The following ZFHX4 variants were observed in gnomAD, a reference collection of about 807,000 sequenced individuals.
ZFHX4 encodes zinc finger homeobox 4.
ZFHX4 carries 56 observed loss-of-function variants against 267.6 expected under a neutral mutation model. The ratio of observed to expected loss-of-function variants is 0.21; its 90% CI spans 0.17 to 0.26. The LOEUF (loss-of-function observed/expected upper bound fraction) is 0.26, where lower values mean the gene tolerates loss of function less well. ZFHX4 is among the 10% of genes least tolerant of loss of function. The pLI is 1.00. For synonymous variants in ZFHX4, 1,778 were observed against 1,665.6 expected (o/e 1.07, Z -1.64); for missense variants, 4,332 against 4,420.0 (o/e 0.98, Z 0.56).
chr8:76,800,994 G>A (rs149280655), intron 4 of ZFHX4, among the ~76,000 whole-genome samples: 1 of 152,230 alleles, frequency 6.6e-6, no homozygotes, highest in East Asian at 1.9e-4. Context: ...ACCAGCAATT[G>A]TCATTTTAGA....
At chr8:76,749,487 G>T (rs1809559918) in intron 3 of ZFHX4, among the ~76,000 whole-genome samples, 1 of 152,050 alleles carries the variant, frequency 6.6e-6, no homozygotes, top group African/African-American at 2.4e-5. Flanking sequence ...AGAACTTTAG[G>T]TAGTATTTGG....
Position 76,854,629 on chromosome 8 carries a change from G to C in ZFHX4, c.7708G>C (p.Ala2570Pro). 1 of 1,613,572 alleles carries C rather than the reference G, an allele frequency of 6.2e-7. No individual in the cohort carries two copies. Among genetic ancestry groups the C allele is most frequent in the Non-Finnish European group, 8.5e-7 (1 of 1,179,836 alleles). ...PPQASSSHTT[A>P]PTTVAASLKR... ...TCAGGCCAGTTCCTCCCACACCACA[G>C]CCCCCACAACGGTTGCTGCTTCCCT... Residue 2570 changes from alanine (A) to proline (P), a missense_variant, in exon 10 of 11, where the codon GCC (alanine) becomes CCC (proline). This residue lies in a region of ZFHX4 where 1,648 missense variants were observed against 1,625.0 expected (regional missense o/e 1.01). Coordinates refer to ENST00000651372, the MANE Select transcript of ZFHX4 (RefSeq NM_024721.5).
At chr8:76,861,925 C>T (rs1348951742) in intron 10 of ZFHX4, among the ~76,000 whole-genome samples, 2 of 151,920 alleles carry the variant, frequency 1.3e-5, no homozygotes, top group Non-Finnish European at 2.9e-5. Context: ...TTCCTTCCGC[C>T]CACCAGACCT....
At chr8:76,787,866 A>G (rs899770792) in intron 4 of ZFHX4, among the ~76,000 whole-genome samples, 1 of 151,898 alleles carries the variant, frequency 6.6e-6, no homozygotes, top group African/African-American at 2.4e-5. Flanking sequence ...TTAGGAAAAG[A>G]TAGTTAATGA....
At chr8:76,788,718 C>G (rs10957816) in intron 4 of ZFHX4, among the ~76,000 whole-genome samples, 2,515 of 152,278 alleles carry the variant, frequency 0.017, 27 homozygotes, top group Middle Eastern at 0.034. Flanking sequence ...ATTATGAGAT[C>G]TATACAATAT....
intron 3 of ZFHX4, among the ~76,000 whole-genome samples, chr8:76,757,861 G>A (rs1352680167): frequency 1.3e-5 from 2 of 152,156 alleles, no homozygotes; most frequent in Admixed American, 6.5e-5. Flanking sequence ...CGTAGCAAGA[G>A]GCTCCTCCAC....
chr8:76,717,585 A>G (rs1372402906), intron 3 of ZFHX4, among the ~76,000 whole-genome samples: 8 of 152,162 alleles, frequency 5.3e-5, no homozygotes, highest in African/African-American at 1.9e-4. Context: ...AAAGCATGTA[A>G]AGATTTTTAT....
At chr8:76,819,983 A>G (rs576021409) in intron 4 of ZFHX4, among the ~76,000 whole-genome samples, 1 of 152,322 alleles carries the variant, frequency 6.6e-6, no homozygotes, top group South Asian at 2.1e-4. Context: ...AAAGAGATGT[A>G]TATGAGAACA....
chr8:76,774,853 G>A (rs1255531670), intron 3 of ZFHX4, among the ~76,000 whole-genome samples: 3 of 152,036 alleles, frequency 2.0e-5, no homozygotes, highest in Non-Finnish European at 4.4e-5. Flanking sequence ...TTTAGGGATA[G>A]ATGAAACATT....
chr8:76,758,267 A>G (rs953464284), intron 3 of ZFHX4, among the ~76,000 whole-genome samples: 9 of 152,150 alleles, frequency 5.9e-5, no homozygotes, highest in Admixed American at 5.9e-4. Context: ...AAGTAAGACA[A>G]CTTTCAATTG....
intron 3 of ZFHX4, among the ~76,000 whole-genome samples, chr8:76,775,409 A>G (rs770201789): frequency 5.9e-5 from 9 of 152,214 alleles, no homozygotes; most frequent in Non-Finnish European, 1.0e-4. Context: ...CTTTACAGAA[A>G]GAAACAAAGA....
rs190302990 is a variant in ZFHX4 at position 76,800,108 on chromosome 8, A to T, written c.3325+21669A>T. ...GTGGGGAGGGTCCTAGCAGGAGGGGAGGAAGGGGAGGCTCCTCCCAAAAGG... is the reference window on the plus strand; with the variant it reads ...GTGGGGAGGGTCCTAGCAGGAGGGGTGGAAGGGGAGGCTCCTCCCAAAAGG... On this transcript the variant is annotated intron_variant, in intron 4 of 10. Transcript: ENST00000651372. Among the ~76,000 whole-genome samples, 5 of 151,548 alleles carry T rather than the reference A, an allele frequency of 3.3e-5. No individual in the cohort carries two copies. In the East Asian group the frequency reaches 9.8e-4, roughly 30 times the overall value.
chr8:76,848,910 A>G (rs1184132463), intron 6 of ZFHX4, 85 bp from the exon 7 acceptor site: 3 of 1,294,792 alleles, frequency 2.3e-6, no homozygotes, highest in Non-Finnish European at 2.1e-6. Flanking sequence ...GTGTGTTTAG[A>G]GTCGCAAATG....
intron 1 of ZFHX4, among the ~76,000 whole-genome samples, chr8:76,689,245 A>AT (rs1807765915): frequency 6.6e-6 from 1 of 152,132 alleles, no homozygotes. Context: ...AAATAAATTC[A>AT]TTTATATTTT....
At chr8:76,806,111 C>T (rs1409938291) in intron 4 of ZFHX4, among the ~76,000 whole-genome samples, 1 of 152,058 alleles carries the variant, frequency 6.6e-6, no homozygotes, top group Non-Finnish European at 1.5e-5. Context: ...GCATGTGTTG[C>T]CTGCACTTTC....
chr8:76,813,061 A>G (rs1412608660), intron 4 of ZFHX4, among the ~76,000 whole-genome samples: 1 of 152,136 alleles, frequency 6.6e-6, no homozygotes, highest in Non-Finnish European at 1.5e-5. Flanking sequence ...CTTTAATGCT[A>G]CTAATATCAT....
chr8:76,764,358 G>A (rs1809997342), intron 3 of ZFHX4, among the ~76,000 whole-genome samples: 1 of 152,076 alleles, frequency 6.6e-6, no homozygotes, highest in African/African-American at 2.4e-5. Flanking sequence ...TTGTTTGTTT[G>A]TGTTTATTTA....
chr8:76,852,836 T>G lies in ZFHX4; in HGVS notation c.5915T>G (p.Phe1972Cys), dbSNP rs1812575265. The G allele has an allele frequency of 1.2e-6, 2 of 1,613,884 alleles. No homozygotes were observed. The highest frequency in any genetic ancestry group is 1.7e-6 in the Non-Finnish European group (2 of 1,179,846). ...CACCAAGAACATGTACATGGGCAAT[T>G]TTTTCCATATGCAGCGCTAGAAAAA... ...KSHQEHVHGQ[F>C]FPYAALEKFA... The change falls in exon 10 of 11, where the codon TTT becomes TGT. Residue 1972 changes from phenylalanine to cysteine, a missense_variant. Phe to Cys is a radical substitution (Grantham distance 205). Around this residue, in one of 7 missense-constraint regions of ZFHX4, gnomAD observed 1,371 missense variants for 1,423.1 expected, o/e 0.96. Transcript: ENST00000651372.
In ZFHX4 at chr8:76,866,795, A is replaced by G. The variant is rs1813044686; in HGVS notation, c.*2230A>G. On this transcript the variant is annotated 3_prime_UTR_variant, in exon 11 of 11. Coordinates refer to ENST00000651372, the MANE Select transcript of ZFHX4 (RefSeq NM_024721.5). ...TTTTACAACTGCACAGCAGCCAAAA[A>G]AAGAAAAAAAAAAGAAAAAAAACTT... The G allele has an allele frequency of 1.5e-5, 1 of 68,698 alleles. No homozygotes were observed. Among genetic ancestry groups the G allele is most frequent in the Non-Finnish European group, 2.7e-5 (1 of 36,790 alleles). 4.3% of individuals were successfully genotyped at this position (68,698 alleles called of 1,614,324 possible).
Sources: allele counts gnomAD v4.1 joint callset (sites outside exome capture counted in the v4.1 genomes callset), GRCh38; gene constraint gnomAD v4.1.1; regional missense constraint gnomAD v4.1.1; transcripts MANE v1.5; gene names NCBI Gene and HGNC (gene_info 2026-07-23, HGNC 2026-07-21).